SGCZ: variants seen among roughly 807,000 people sequenced by gnomAD.
SGCZ encodes zeta-sarcoglycan.
A neutral mutation model predicts 41.3 loss-of-function variants in SGCZ; 40 were observed. The ratio of observed to expected loss-of-function variants is 0.97; its 90% CI spans 0.75 to 1.26. SGCZ has a LOEUF of 1.26. Among genes scored for constraint, SGCZ ranks in the 50% most tolerant of loss-of-function variants. The pLI is 0.00. For synonymous variants in SGCZ, 206 were observed against 137.5 expected, an observed-to-expected ratio of 1.50 and a Z score of -3.49; for missense variants, 552 against 369.8, an observed-to-expected ratio of 1.49 and a Z score of -4.04.
intron 1 of SGCZ, among the ~76,000 whole-genome samples, chr8:14,904,100 A>AT (rs1799052417): frequency 6.6e-6 from 1 of 152,100 alleles, no homozygotes; most frequent in Non-Finnish European, 1.5e-5. Context: ...CTAGTCGTGC[A>AT]TTATTATGCA....
intron 2 of SGCZ, among the ~76,000 whole-genome samples, chr8:14,390,121 C>G (rs1381260716): frequency 6.6e-6 from 1 of 151,794 alleles, no homozygotes; most frequent in African/African-American, 2.4e-5. Flanking sequence ...AAATTCCATT[C>G]CCAGGACATC....
chr8:14,531,678 G>A (rs1048203807), intron 2 of SGCZ, among the ~76,000 whole-genome samples: 2 of 152,030 alleles, frequency 1.3e-5, no homozygotes, highest in African/African-American at 4.8e-5. Flanking sequence ...TCACTTAATA[G>A]ATTCTTCTCT....
At position 14,806,699 on chromosome 8, in the gene SGCZ, G is replaced by A. The variant is rs1373544328; in HGVS notation, c.40-251773C>T. Among the ~76,000 whole-genome samples the A allele has an allele frequency of 3.3e-5, 5 of 152,192 alleles. No individual in the cohort carries two copies. The East Asian group carries it at 9.7e-4, about 29-fold the overall frequency. Reference sequence around the variant, plus strand: ...CCTTCTGAAACTATTACAATCAAGAGAAAAAGAGGGACTCCTCCCTAACTC... The same window carrying A: ...CCTTCTGAAACTATTACAATCAAGAAAAAAAGAGGGACTCCTCCCTAACTC... On this transcript the variant is annotated intron_variant, in intron 1 of 7. Transcript: ENST00000382080.
chr8:14,281,713 A>T (rs1405094190), intron 3 of SGCZ, among the ~76,000 whole-genome samples: 5 of 152,046 alleles, frequency 3.3e-5, no homozygotes, highest in Non-Finnish European at 7.4e-5. Context: ...AATCTGAGAG[A>T]ACAACAAGGA....
chr8:14,945,686 C>T (rs895070606), intron 1 of SGCZ, among the ~76,000 whole-genome samples: 5 of 151,744 alleles, frequency 3.3e-5, no homozygotes, highest in African/African-American at 1.2e-4. Context: ...CAGGCATCAT[C>T]CAATCAGCTG....
At chr8:15,063,898 G>A (rs12679312) in intron 1 of SGCZ, among the ~76,000 whole-genome samples, 71,059 of 151,962 alleles carry the variant, frequency 0.47, 19,370 homozygotes, top group Admixed American at 0.61. Context: ...AAGGCTTACA[G>A]TCGAGTGTTG....
intron 1 of SGCZ, among the ~76,000 whole-genome samples, chr8:14,858,442 C>T (rs893003490): frequency 6.6e-6 from 1 of 152,026 alleles, no homozygotes; most frequent in South Asian, 2.1e-4. Flanking sequence ...GATTTTATTT[C>T]CTTGCAGTGT....
intron 1 of SGCZ, among the ~76,000 whole-genome samples, chr8:15,075,337 A>G (rs1218135141): frequency 1.3e-5 from 2 of 152,182 alleles, no homozygotes; most frequent in African/African-American, 4.8e-5. Context: ...GAATACATTT[A>G]AATTCCCAAA....
intron 4 of SGCZ, among the ~76,000 whole-genome samples, chr8:14,225,856 G>C (rs1029251400): frequency 6.6e-6 from 1 of 152,044 alleles, no homozygotes; most frequent in Non-Finnish European, 1.5e-5. Flanking sequence ...GAAGGCTTGA[G>C]TTATTTCAAT....
intron 3 of SGCZ, among the ~76,000 whole-genome samples, chr8:14,279,063 C>G (rs911071166): frequency 7.2e-5 from 11 of 151,936 alleles, no homozygotes; most frequent in African/African-American, 2.7e-4. Flanking sequence ...GATATTGTGC[C>G]ACTTCTCTTA....
At chr8:14,945,572 A>T (rs1231455168) in intron 1 of SGCZ, among the ~76,000 whole-genome samples, 2 of 152,034 alleles carry the variant, frequency 1.3e-5, no homozygotes, top group Admixed American at 1.3e-4. Flanking sequence ...AATGGCTAGA[A>T]AGCTAGTAAA....
At chr8:14,207,151 A>T (rs112835262) in intron 4 of SGCZ, among the ~76,000 whole-genome samples, 1 of 151,116 alleles carries the variant, frequency 6.6e-6, no homozygotes, top group Admixed American at 6.6e-5. Flanking sequence ...GATGGTGGCT[A>T]TTCTTTTTTG....
intron 1 of SGCZ, among the ~76,000 whole-genome samples, chr8:14,689,849 G>T (rs952738077): frequency 6.6e-6 from 1 of 152,154 alleles, no homozygotes; most frequent in African/African-American, 2.4e-5. Flanking sequence ...TGAGCAAAGT[G>T]AGGACAGAGA....
intron 5 of SGCZ, among the ~76,000 whole-genome samples, chr8:14,142,135 G>A (rs960293805): frequency 1.3e-5 from 2 of 152,128 alleles, no homozygotes; most frequent in African/African-American, 2.4e-5. Flanking sequence ...CTTGGACACA[G>A]GGTGGGGAAC....
At chr8:14,924,302 T>C (rs1003950730) in intron 1 of SGCZ, among the ~76,000 whole-genome samples, 2 of 152,226 alleles carry the variant, frequency 1.3e-5, no homozygotes, top group African/African-American at 4.8e-5. Context: ...TTCACTCCTG[T>C]TAATCTATGG....
chr8:14,469,568 G>A (rs1801150728), intron 2 of SGCZ, among the ~76,000 whole-genome samples: 1 of 152,036 alleles, frequency 6.6e-6, no homozygotes, highest in Admixed American at 6.6e-5. Flanking sequence ...AATCTTTGAA[G>A]TGGTGTCTCT....
chr8:14,167,320 T>C (rs1804240606), intron 4 of SGCZ, among the ~76,000 whole-genome samples: 1 of 152,168 alleles, frequency 6.6e-6, no homozygotes, highest in African/African-American at 2.4e-5. Flanking sequence ...CAATGCCCCA[T>C]TCAATCTTAA....
intron 5 of SGCZ, among the ~76,000 whole-genome samples, chr8:14,111,587 C>G (rs564526932): frequency 6.6e-6 from 1 of 152,294 alleles, no homozygotes; most frequent in Admixed American, 6.5e-5. Flanking sequence ...ATGTTCAACA[C>G]TGCTTGATTA....
intron 4 of SGCZ, among the ~76,000 whole-genome samples, chr8:14,215,924 A>G (rs1019055205): frequency 6.6e-6 from 1 of 152,246 alleles, no homozygotes; most frequent in Non-Finnish European, 1.5e-5. Context: ...ATGCACTCAG[A>G]CACAGGTACC....
Sources: allele counts gnomAD v4.1 joint callset (sites outside exome capture counted in the v4.1 genomes callset), GRCh38; gene constraint gnomAD v4.1.1; transcripts MANE v1.5; gene names NCBI Gene and HGNC (gene_info 2026-07-23, HGNC 2026-07-21).